Variants in ADAMTSL1 observed in about 807,000 individuals in gnomAD.
ADAMTSL1 encodes the protein ADAMTS like 1.
In ADAMTSL1, 126 loss-of-function variants were observed where a neutral mutation model predicts 201.8. That is an observed-to-expected ratio of 0.62 (90% confidence interval 0.54 to 0.72). ADAMTSL1 has a LOEUF of 0.72. ADAMTSL1 is among the 30% of genes least tolerant of loss of function. The pLI, the probability that ADAMTSL1 is intolerant of heterozygous loss-of-function variation, is 0.00. For missense variants in ADAMTSL1, 2,679 were observed against 2,277.8 expected (o/e 1.18, Z -3.59); for synonymous variants, 1,121 against 903.4 (o/e 1.24, Z -4.32).
intron 3 of ADAMTSL1, among the ~76,000 whole-genome samples, chr9:18,571,166 T>A (rs1300907814): frequency 6.6e-6 from 1 of 152,214 alleles, no homozygotes; most frequent in Non-Finnish European, 1.5e-5. Context: ...ATGTCTGTAC[T>A]AAGATGATAT....
At chr9:18,174,709 A>G (rs1357249610) in intron 2 of ADAMTSL1, among the ~76,000 whole-genome samples, 1 of 152,152 alleles carries the variant, frequency 6.6e-6, no homozygotes, top group African/African-American at 2.4e-5. Context: ...GAAGTAAAAC[A>G]CTAACAAGAC....
At chr9:18,441,374 C>T (rs988620543) in intron 2 of ADAMTSL1, among the ~76,000 whole-genome samples, 1 of 152,036 alleles carries the variant, frequency 6.6e-6, no homozygotes, top group Non-Finnish European at 1.5e-5. Context: ...AATAGCTGGC[C>T]CTCTTTGGGG....
intron 1 of ADAMTSL1, among the ~76,000 whole-genome samples, chr9:18,152,520 T>A (rs573858306): frequency 6.6e-6 from 1 of 151,720 alleles, no homozygotes; most frequent in South Asian, 2.1e-4. Context: ...ATTGACAGAG[T>A]CCTGGGATCA....
intron 1 of ADAMTSL1, among the ~76,000 whole-genome samples, chr9:17,983,481 A>G (rs964401152): frequency 6.6e-6 from 1 of 152,208 alleles, no homozygotes; most frequent in African/African-American, 2.4e-5. Flanking sequence ...TAGTGTCAAA[A>G]TAAAAAAATA....
At chr9:18,398,694 G>A (rs1345723244) in intron 2 of ADAMTSL1, among the ~76,000 whole-genome samples, 1 of 152,136 alleles carries the variant, frequency 6.6e-6, no homozygotes, top group Non-Finnish European at 1.5e-5. Context: ...TATTAGCAAT[G>A]ATTAGAGAGG....
intron 21 of ADAMTSL1, among the ~76,000 whole-genome samples, chr9:18,822,501 G>A (rs1053095386): frequency 6.6e-6 from 1 of 152,176 alleles, no homozygotes; most frequent in Non-Finnish European, 1.5e-5. Context: ...TTGTTAAGAT[G>A]GGGACTGTTG....
At chr9:18,683,310 T>C (rs959827178) in intron 12 of ADAMTSL1, among the ~76,000 whole-genome samples, 4 of 150,700 alleles carry the variant, frequency 2.7e-5, no homozygotes, top group African/African-American at 9.7e-5. Flanking sequence ...CTGCAACCTC[T>C]GCCTCCCAGG....
chr9:18,099,444 G>T (rs1484068812), intron 1 of ADAMTSL1, among the ~76,000 whole-genome samples: 1 of 144,194 alleles, frequency 6.9e-6, no homozygotes, highest in Non-Finnish European at 1.5e-5. Flanking sequence ...CAGATATGAG[G>T]TGTTTCATTT....
intron 14 of ADAMTSL1, among the ~76,000 whole-genome samples, chr9:18,709,953 T>G (rs1274899718): frequency 1.3e-5 from 2 of 152,188 alleles, no homozygotes; most frequent in Non-Finnish European, 2.9e-5. Flanking sequence ...AATCATCAAG[T>G]ACTGTGCTTA....
At chr9:18,450,528 C>G (rs1321026822) in intron 2 of ADAMTSL1, among the ~76,000 whole-genome samples, 1 of 151,764 alleles carries the variant, frequency 6.6e-6, no homozygotes, top group African/African-American at 2.4e-5. Context: ...GCATGAAAAC[C>G]ATATCTCTTT....
In ADAMTSL1 at chr9:18,488,675, C is replaced by T. The variant is rs377020585; in HGVS notation, c.63+14380C>T. On this transcript the variant is annotated intron_variant, in intron 1 of 28. Coordinates refer to ENST00000380548, the MANE Select transcript of ADAMTSL1 (RefSeq NM_001040272.6). ...GTCATGCAACCTACTCAGCACAGTA[C>T]CCCACACAGGTAGCAGGTGCCCAAT... 1.2e-4 allele frequency among the ~76,000 whole-genome samples: 18 copies of T among 152,280 alleles called. No homozygotes were observed. In the East Asian group the frequency reaches 3.3e-3, roughly 28 times the overall value.
chr9:18,717,186 GTAAC>G (rs1432680573), intron 14 of ADAMTSL1, among the ~76,000 whole-genome samples: 4 of 149,538 alleles, frequency 2.7e-5, no homozygotes, highest in Non-Finnish European at 4.4e-5. Context: ...GTATACCTAT[GTAAC>G]TAACCTGCAC....
intron 1 of ADAMTSL1, among the ~76,000 whole-genome samples, chr9:18,012,839 A>T (rs544112396): frequency 1.3e-5 from 2 of 152,148 alleles, no homozygotes; most frequent in South Asian, 4.2e-4. Context: ...AGAAGAAAAA[A>T]TAAAGAGTGA....
chr9:18,070,509 T>A (rs144547327), intron 1 of ADAMTSL1, among the ~76,000 whole-genome samples: 10 of 152,274 alleles, frequency 6.6e-5, no homozygotes, highest in Admixed American at 5.9e-4. Context: ...AGTAAATGAA[T>A]GAATGGTAGA....
intron 3 of ADAMTSL1, among the ~76,000 whole-genome samples, chr9:18,569,047 T>C (rs529079130): frequency 2.0e-5 from 3 of 152,294 alleles, no homozygotes; most frequent in Admixed American, 2.0e-4. Flanking sequence ...TAAAACCTTT[T>C]ATATAGTGCC....
chr9:18,099,568 C>A (rs1276498527), intron 1 of ADAMTSL1, among the ~76,000 whole-genome samples: 1 of 148,808 alleles, frequency 6.7e-6, no homozygotes, highest in African/African-American at 2.5e-5. Context: ...ATTTTTTTTA[C>A]CTGTCTTCAA....
chr9:18,807,868 C>T (rs1374517206), intron 20 of ADAMTSL1, among the ~76,000 whole-genome samples: 1 of 152,020 alleles, frequency 6.6e-6, no homozygotes, highest in Non-Finnish European at 1.5e-5. Flanking sequence ...GTTTTTTTCT[C>T]CTTAGTTAAC....
intron 3 of ADAMTSL1, 28 bp from the exon 4 acceptor site, chr9:18,574,002 G>T: frequency 6.3e-7 from 1 of 1,593,598 alleles, no homozygotes; most frequent in East Asian, 2.2e-5. Context: ...CCTAACCTTT[G>T]TATGTCCTTT....
intron 4 of ADAMTSL1, among the ~76,000 whole-genome samples, chr9:18,588,224 G>A (rs547784851): frequency 1.4e-4 from 21 of 152,306 alleles, no homozygotes; most frequent in Non-Finnish European, 2.4e-4. Flanking sequence ...GATTTGTAAT[G>A]TTGAGCATTT....
Sources: gnomAD v4.1 joint callset for allele counts (sites outside exome capture counted in the v4.1 genomes callset) on GRCh38, gnomAD v4.1.1 for gene constraint, MANE v1.5 for transcripts, NCBI Gene and HGNC (gene_info 2026-07-23, HGNC 2026-07-21) for gene names.